The following MAPRE1 variants were observed in gnomAD, a reference collection of about 807,000 sequenced individuals.
MAPRE1 encodes the protein microtubule associated protein RP/EB family member 1, also known as microtubule-associated protein RP/EB family member 1.
MAPRE1 carries 5 observed loss-of-function variants against 32.1 expected under a neutral mutation model. The observed-to-expected ratio is 0.16, with a 90% CI of 0.08 to 0.33. The LOEUF (loss-of-function observed/expected upper bound fraction) is 0.33. Ranked by LOEUF, MAPRE1 falls within the 10% of genes least tolerant of loss-of-function variation. The pLI is 1.00. For synonymous variants in MAPRE1, 122 were observed against 118.9 expected, an observed-to-expected ratio of 1.03 and a Z score of -0.17; for missense variants, 209 against 327.2, an observed-to-expected ratio of 0.64 and a Z score of 2.79.
At chr20:32,824,947 T>C (rs556197954) in intron 1 of MAPRE1, among the ~76,000 whole-genome samples, 2 of 150,674 alleles carry the variant, frequency 1.3e-5, no homozygotes, top group Middle Eastern at 3.2e-3. Flanking sequence ...AGGTCAGGAG[T>C]TCTAGACCAG....
At position 32,839,742 on chromosome 20, in the gene MAPRE1, G is replaced by A. The variant is rs766467686; in HGVS notation, c.483G>A (p.Gln161=). 1 of 1,614,062 alleles carries A rather than the reference G, an allele frequency of 6.2e-7. No homozygotes were observed. Among genetic ancestry groups the A allele is most frequent in the Non-Finnish European group, 8.5e-7 (1 of 1,180,006 alleles). ...KPLTSSSAAP[Q]RPISTQRTAA... is the part of the protein sequence containing the mutation. ...CTGTGCTCTCTTTTTCAGCTCCCCA[G>A]AGGCCCATCTCAACACAGAGAACCG... The change falls in exon 5 of 7, where the codon CAG becomes CAA. Residue 161 remains glutamine, a synonymous_variant. Transcript: ENST00000375571.
chr20:32,833,653 G>A lies in MAPRE1; in HGVS notation c.122-64G>A, dbSNP rs1983103892. On this transcript the variant is annotated intron_variant, in intron 2 of 6. Coordinates refer to ENST00000375571, the MANE Select transcript of MAPRE1 (RefSeq NM_012325.3). ...TTTAAAAATTGTATTTGGTTTAAGT[G>A]GGTCTGGGAAGAAGTTCACCCTGCT... 55 of 1,457,154 alleles carry A rather than the reference G, an allele frequency of 3.8e-5. No individual in the cohort carries two copies. The South Asian group carries it at 5.5e-4, about 15-fold the overall frequency. The allele number at this position is 1,457,154 out of a possible 1,614,324, so 90.3% of individuals were successfully genotyped here.
intron 6 of MAPRE1, among the ~76,000 whole-genome samples, chr20:32,847,051 G>A (rs1430945835): frequency 1.3e-5 from 2 of 152,236 alleles, no homozygotes; most frequent in African/African-American, 4.8e-5. Context: ...TTAGCCAGAA[G>A]CAACCCATGT....
chr20:32,848,138 C>T (rs1000698441), intron 6 of MAPRE1, among the ~76,000 whole-genome samples: 1 of 151,670 alleles, frequency 6.6e-6, no homozygotes, highest in African/African-American at 2.4e-5. Context: ...CTTTGACCTC[C>T]TGGGTCAAGC....
intron 3 of MAPRE1, among the ~76,000 whole-genome samples, chr20:32,834,700 T>G (rs1021719209): frequency 6.6e-6 from 1 of 152,174 alleles, no homozygotes; most frequent in Admixed American, 6.5e-5. Flanking sequence ...TCACTTAACT[T>G]TCCAGGCATA....
chr20:32,845,819 G>C (rs1342517307), intron 5 of MAPRE1, among the ~76,000 whole-genome samples: 2 of 152,252 alleles, frequency 1.3e-5, no homozygotes, highest in Non-Finnish European at 2.9e-5. Flanking sequence ...GGCTGGACTA[G>C]ATGATTTCTC....
chr20:32,830,892 T>G (rs560606854), intron 2 of MAPRE1, among the ~76,000 whole-genome samples: 1 of 152,042 alleles, frequency 6.6e-6, no homozygotes, highest in Admixed American at 6.5e-5. Context: ...CCCGGCTAAT[T>G]TTTTTGTATT....
chr20:32,838,494 T>C (rs1200785240), intron 4 of MAPRE1, among the ~76,000 whole-genome samples: 2 of 152,218 alleles, frequency 1.3e-5, no homozygotes, highest in East Asian at 3.8e-4. Flanking sequence ...TTCTCTCAGT[T>C]ACAGACCCAA....
At chr20:32,821,382 C>T (rs142709167) in intron 1 of MAPRE1, among the ~76,000 whole-genome samples, 1 of 152,276 alleles carries the variant, frequency 6.6e-6, no homozygotes, top group Non-Finnish European at 1.5e-5. Flanking sequence ...TCTTATGCAG[C>T]CCAGCAAGTG....
chr20:32,820,936 C>T (rs1200050033), intron 1 of MAPRE1, among the ~76,000 whole-genome samples: 1 of 151,864 alleles, frequency 6.6e-6, no homozygotes, highest in Non-Finnish European at 1.5e-5. Context: ...TAGTTGGGCA[C>T]TTGTTTTGTG....
At chr20:32,833,919 A>G (rs1983110785) in intron 3 of MAPRE1, 57 bp downstream of exon 3, 1 of 1,450,644 alleles carries the variant, frequency 6.9e-7, no homozygotes, top group Non-Finnish European at 9.3e-7. Context: ...GTTACTAAGG[A>G]GGTAGATGCT....
At position 32,833,724 on chromosome 20, in the gene MAPRE1, G is replaced by A. The variant is rs1186899610; in HGVS notation, c.129G>A (p.Ala43=). ...TTGCCGTTGTTCTTTCAGGGGCTGC[G>A]TATTGTCAGTTTATGGACATGCTGT... ...TKIEQLCSGA[A]YCQFMDMLFP... is the part of the protein sequence containing the mutation. The change falls in exon 3 of 7, where the codon GCG becomes GCA. Residue 43 remains alanine (A), a synonymous_variant. Transcript: ENST00000375571. 6.8e-6 allele frequency: 11 copies of A among 1,611,142 alleles called. No homozygotes were observed. Among genetic ancestry groups the A allele is most frequent in the African/African-American group, 1.3e-5 (1 of 74,854 alleles).
At chr20:32,844,848 G>A (rs1687762163) in intron 5 of MAPRE1, among the ~76,000 whole-genome samples, 1 of 152,206 alleles carries the variant, frequency 6.6e-6, no homozygotes, top group African/African-American at 2.4e-5. Flanking sequence ...CGCTGGGGCT[G>A]GTCGGCTCTT....
chr20:32,823,567 A>G (rs894199041), intron 1 of MAPRE1, among the ~76,000 whole-genome samples: 7 of 152,138 alleles, frequency 4.6e-5, no homozygotes, highest in Non-Finnish European at 8.8e-5. Context: ...CTAGTAGTCA[A>G]TGTGATCTTT....
intron 1 of MAPRE1, among the ~76,000 whole-genome samples, chr20:32,820,398 G>T (rs1195748748): frequency 6.6e-6 from 1 of 152,132 alleles, no homozygotes; most frequent in Non-Finnish European, 1.5e-5. Flanking sequence ...GACGCACATT[G>T]TGGGAGGCCG....
intron 1 of MAPRE1, among the ~76,000 whole-genome samples, chr20:32,820,398 G>GT (rs989219771): frequency 6.6e-6 from 1 of 152,132 alleles, no homozygotes; most frequent in Non-Finnish European, 1.5e-5. Flanking sequence ...GACGCACATT[G>GT]TGGGAGGCCG....
intron 2 of MAPRE1, among the ~76,000 whole-genome samples, chr20:32,829,772 C>G (rs774803054): frequency 2.0e-5 from 3 of 152,210 alleles, no homozygotes; most frequent in Non-Finnish European, 4.4e-5. Flanking sequence ...CAACAGTGAG[C>G]TGAGCCTTTG....
At chr20:32,835,957 A>G (rs1161732980) in intron 3 of MAPRE1, among the ~76,000 whole-genome samples, 1 of 149,934 alleles carries the variant, frequency 6.7e-6, no homozygotes, top group Non-Finnish European at 1.5e-5. Flanking sequence ...TGGTTTGTGC[A>G]ATGGATTTTT....
intron 2 of MAPRE1, among the ~76,000 whole-genome samples, 188 bp downstream of exon 2, chr20:32,826,236 T>TTTTTTTTGA (rs1491215602): frequency 3.8e-5 from 4 of 104,936 alleles, no homozygotes; most frequent in African/African-American, 1.6e-4. Context: ...TTTTTTTTTT[T>TTTTTTTTGA]GACAGAGTCT....
Sources: allele counts gnomAD v4.1 joint callset (sites outside exome capture counted in the v4.1 genomes callset), GRCh38; gene constraint gnomAD v4.1.1; transcripts MANE v1.5; gene names NCBI Gene and HGNC (gene_info 2026-07-23, HGNC 2026-07-21).